The following ZNF892 variants were observed in gnomAD, a reference collection of about 807,000 sequenced individuals.
ZNF892 encodes zinc finger protein 892, also known as zinc finger protein 570-like.
chr2:95,224,251 C>T, the ZNF892 span, among the ~76,000 whole-genome samples: 1 of 152,238 alleles, frequency 6.6e-6, no homozygotes, highest in Non-Finnish European at 1.5e-5. Context: ...ACCATGAATA[C>T]ACTGTCTATG....
the ZNF892 span, chr2:95,214,448 A>AT: frequency 2.5e-6 from 1 of 398,522 alleles, no homozygotes; most frequent in Non-Finnish European, 4.4e-6. Flanking sequence ...GTTCTAGTGA[A>AT]TGTGAGGATT....
At chr2:95,206,371 T>G in the ZNF892 span, among the ~76,000 whole-genome samples, 1 of 152,164 alleles carries the variant, frequency 6.6e-6, no homozygotes, top group Non-Finnish European at 1.5e-5. Flanking sequence ...TAAGAGTCCT[T>G]TATTAAGCCG....
chr2:95,212,550 G>A, the ZNF892 span, among the ~76,000 whole-genome samples: 1 of 152,166 alleles, frequency 6.6e-6, no homozygotes, highest in Non-Finnish European at 1.5e-5. Context: ...TTAATAACTT[G>A]CTTGGGTTCA....
At chr2:95,210,165 ATGTATATATG>A in the ZNF892 span, among the ~76,000 whole-genome samples, 1 of 148,986 alleles carries the variant, frequency 6.7e-6, no homozygotes, top group Non-Finnish European at 1.5e-5. Context: ...ATGTGTATAT[ATGTATATATG>A]TGTATATATG....
the ZNF892 span, among the ~76,000 whole-genome samples, chr2:95,232,391 A>G: frequency 1.3e-5 from 2 of 152,250 alleles, no homozygotes; most frequent in African/African-American, 4.8e-5. Context: ...GTGACATTCC[A>G]GTGCTTGTGA....
the ZNF892 span, chr2:95,207,851 G>T: frequency 2.5e-6 from 1 of 398,718 alleles, no homozygotes; most frequent in South Asian, 1.3e-4. Flanking sequence ...ATTTGGGAGT[G>T]ATGCGGCCTT....
the ZNF892 span, among the ~76,000 whole-genome samples, chr2:95,223,269 A>T: frequency 1.3e-5 from 2 of 152,198 alleles, no homozygotes; most frequent in Non-Finnish European, 2.9e-5. Flanking sequence ...ATATATTTTG[A>T]CACTCAGTTG....
At chr2:95,225,369 G>A in the ZNF892 span, among the ~76,000 whole-genome samples, 9 of 152,178 alleles carry the variant, frequency 5.9e-5, no homozygotes, top group African/African-American at 1.7e-4. Flanking sequence ...TGGAGGCAGG[G>A]AAGTTCGAGA....
chr2:95,215,193 C>T, the ZNF892 span: 8 of 446,810 alleles, frequency 1.8e-5, no homozygotes, highest in African/African-American at 8.1e-5. Context: ...TACTGGGGAG[C>T]GGCCATATGA....
chr2:95,227,571 T>G, the ZNF892 span, among the ~76,000 whole-genome samples: 1 of 151,656 alleles, frequency 6.6e-6, no homozygotes, highest in Non-Finnish European at 1.5e-5. Flanking sequence ...GATCACCTGC[T>G]TCAGCCTCCC....
chr2:95,230,349 G>C, the ZNF892 span, among the ~76,000 whole-genome samples: 1 of 151,960 alleles, frequency 6.6e-6, no homozygotes, highest in Non-Finnish European at 1.5e-5. Flanking sequence ...AACACTACCT[G>C]TTCCCTCCAA....
chr2:95,236,714 A>G, the ZNF892 span, among the ~76,000 whole-genome samples: 1 of 152,228 alleles, frequency 6.6e-6, no homozygotes, highest in East Asian at 1.9e-4. Flanking sequence ...ATCAGAGTAT[A>G]ACAACTGTCT....
At chr2:95,223,634 C>T in the ZNF892 span, among the ~76,000 whole-genome samples, 1 of 152,126 alleles carries the variant, frequency 6.6e-6, no homozygotes, top group Non-Finnish European at 1.5e-5. Flanking sequence ...ATCATGAGCT[C>T]AAGCAATCTG....
chr2:95,207,533 T>G, the ZNF892 span: 3 of 329,506 alleles, frequency 9.1e-6, no homozygotes, highest in Non-Finnish European at 1.6e-5. Flanking sequence ...TTCGGCCTCA[T>G]GGTTGGCCGG....
the ZNF892 span, among the ~76,000 whole-genome samples, chr2:95,211,931 T>C: frequency 3.9e-5 from 6 of 152,246 alleles, no homozygotes; most frequent in Non-Finnish European, 8.8e-5. Context: ...GTAGCATCCT[T>C]CTTCTCAACT....
At chr2:95,234,440 G>A in the ZNF892 span, among the ~76,000 whole-genome samples, 93 of 152,352 alleles carry the variant, frequency 6.1e-4, no homozygotes, top group Non-Finnish European at 1.2e-3. Context: ...CACCCTGGAA[G>A]AAGGAGTGCC....
chr2:95,219,167 T>G, the ZNF892 span, among the ~76,000 whole-genome samples: 2 of 147,390 alleles, frequency 1.4e-5, no homozygotes, highest in Non-Finnish European at 3.0e-5. Context: ...CCCGGCTAAT[T>G]TTTTTTTTTT....
the ZNF892 span, among the ~76,000 whole-genome samples, chr2:95,258,061 C>T: frequency 6.6e-6 from 1 of 152,202 alleles, no homozygotes; most frequent in Admixed American, 6.5e-5. Flanking sequence ...GCTCGGTGTG[C>T]TGCACCCACT....
the ZNF892 span, among the ~76,000 whole-genome samples, chr2:95,233,169 A>G: frequency 2.0e-5 from 3 of 150,182 alleles, no homozygotes; most frequent in South Asian, 4.2e-4. Context: ...AGTTTTACAC[A>G]TACACACCAG....
Sources: allele counts gnomAD v4.1 joint callset (sites outside exome capture counted in the v4.1 genomes callset), GRCh38; gene constraint gnomAD v4.1.1; transcripts MANE v1.5; gene names NCBI Gene and HGNC (gene_info 2026-07-23, HGNC 2026-07-21).